FAT3: variants seen among roughly 807,000 people sequenced by gnomAD.
The protein encoded by FAT3 is FAT atypical cadherin 3.
A neutral mutation model predicts 310.2 loss-of-function variants in FAT3; 95 were observed. The ratio of observed to expected loss-of-function variants is 0.31; its 90% CI spans 0.26 to 0.36. The LOEUF is 0.36. Among genes scored for constraint, FAT3 ranks in the 10% least tolerant of loss-of-function variants. The pLI is 1.00. For missense variants in FAT3, 5,408 were observed against 5,715.6 expected (o/e 0.95, Z 1.74); for synonymous variants, 2,314 against 2,192.9 (o/e 1.06, Z -1.54).
At position 92,844,659 on chromosome 11, in the gene FAT3, C is replaced by T. The variant is rs753024741; in HGVS notation, c.11292C>T (p.Leu3764=). ...GCTTGTCACTCGATTCCCACGCGCT[C>T]ATGACCTACAGCACGGCTCGCATCA... ...EQGLSLDSHA[L]MTYSTARISF... is the part of the protein sequence containing the mutation. The change falls in exon 19 of 28, where the codon CTC becomes CTT. Residue 3764 remains leucine, a synonymous_variant. Transcript: ENST00000525166. 4 of 1,607,102 alleles carry T rather than the reference C, an allele frequency of 2.5e-6. No homozygotes were observed. The South Asian group carries it at 3.4e-5, about 13-fold the overall frequency.
intron 3 of FAT3, among the ~76,000 whole-genome samples, chr11:92,690,860 C>A (rs1294748238): frequency 6.6e-6 from 1 of 152,068 alleles, no homozygotes. Context: ...AAGTCAGAAT[C>A]TTATAGAAGA....
At chr11:92,678,956 C>T (rs1004307907) in intron 3 of FAT3, among the ~76,000 whole-genome samples, 2 of 152,148 alleles carry the variant, frequency 1.3e-5, no homozygotes, top group Admixed American at 6.6e-5. Context: ...CTAGCTTTCT[C>T]ATCACCCTTC....
intron 3 of FAT3, among the ~76,000 whole-genome samples, chr11:92,618,233 T>C (rs1940912266): frequency 6.6e-6 from 1 of 152,176 alleles, no homozygotes. Context: ...CTCAGACTGC[T>C]GTGCTAGCGG....
intron 3 of FAT3, among the ~76,000 whole-genome samples, chr11:92,616,705 G>A (rs1404871308): frequency 6.6e-6 from 1 of 152,070 alleles, no homozygotes; most frequent in African/African-American, 2.4e-5. Context: ...TTGTTTTTCT[G>A]TAAAGGATTT....
chr11:92,410,882 A>G (rs1950242533), intron 2 of FAT3, among the ~76,000 whole-genome samples: 1 of 151,884 alleles, frequency 6.6e-6, no homozygotes, highest in South Asian at 2.1e-4. Context: ...AGCTCTAATA[A>G]GGAAAAATAA....
chr11:92,815,317 G>A (rs1235809940), intron 13 of FAT3, among the ~76,000 whole-genome samples: 1 of 152,002 alleles, frequency 6.6e-6, no homozygotes, highest in Non-Finnish European at 1.5e-5. Flanking sequence ...GCTCACACCT[G>A]TAATCCCAGC....
At chr11:92,434,013 C>T (rs1441234391) in intron 2 of FAT3, among the ~76,000 whole-genome samples, 15 of 72,608 alleles carry the variant, frequency 2.1e-4, no homozygotes, top group Non-Finnish European at 3.8e-4. Context: ...GAGACTCAGT[C>T]TCAAAAAAAA....
intron 1 of FAT3, among the ~76,000 whole-genome samples, chr11:92,310,657 A>G (rs7937568): frequency 0.058 from 7,588 of 130,052 alleles, 608 homozygotes; most frequent in African/African-American, 0.23. Flanking sequence ...GTGTGTGTGT[A>G]TATATATATG....
chr11:92,323,780 C>G (rs1947690551), intron 1 of FAT3, among the ~76,000 whole-genome samples: 1 of 152,172 alleles, frequency 6.6e-6, no homozygotes, highest in Non-Finnish European at 1.5e-5. Context: ...CTTAAAGTCA[C>G]CAGCTGCATC....
At chr11:92,871,851 C>T (rs553795901) in intron 22 of FAT3, among the ~76,000 whole-genome samples, 3 of 152,222 alleles carry the variant, frequency 2.0e-5, no homozygotes, top group South Asian at 2.1e-4. Context: ...GAACCACTGA[C>T]ATTTGGGAAT....
chr11:92,838,445 C>T (rs1209035467), intron 17 of FAT3, among the ~76,000 whole-genome samples: 2 of 152,148 alleles, frequency 1.3e-5, no homozygotes, highest in Non-Finnish European at 2.9e-5. Flanking sequence ...GACTCTTCTT[C>T]CCATCTATTT....
At chr11:92,761,436 T>C (rs1946148809) in intron 4 of FAT3, among the ~76,000 whole-genome samples, 1 of 152,206 alleles carries the variant, frequency 6.6e-6, no homozygotes, top group South Asian at 2.1e-4. Context: ...ATTCAGACTA[T>C]AGCATGAAGA....
At position 92,247,418 on chromosome 11, in the gene FAT3, A is replaced by G. The variant is rs576102950; in HGVS notation, c.-18+22244A>G. 1.4e-4 allele frequency among the ~76,000 whole-genome samples: 22 copies of G among 151,806 alleles called. No individual in the cohort carries two copies. The South Asian group carries it at 3.7e-3, about 26-fold the overall frequency. On this transcript the variant is annotated intron_variant, in intron 1 of 27. Coordinates refer to ENST00000525166, the MANE Select transcript of FAT3 (RefSeq NM_001367949.2). ...CTTGGTGTGACATGCCTCTTCTGCA[A>G]CTGCTGAAGTAATTCACCGCACGTT...
At chr11:92,583,662 G>C (rs1252142347) in intron 3 of FAT3, among the ~76,000 whole-genome samples, 1 of 151,854 alleles carries the variant, frequency 6.6e-6, no homozygotes, top group Non-Finnish European at 1.5e-5. Flanking sequence ...TGCCTCTAAA[G>C]CTCCAAAAGG....
chr11:92,356,559 T>C (rs1948735627), intron 2 of FAT3, among the ~76,000 whole-genome samples: 1 of 152,210 alleles, frequency 6.6e-6, no homozygotes, highest in Admixed American at 6.5e-5. Context: ...AACTACCAAC[T>C]TCTTTCCATG....
At chr11:92,697,690 C>T (rs1164856418) in intron 4 of FAT3, among the ~76,000 whole-genome samples, 1 of 152,206 alleles carries the variant, frequency 6.6e-6, no homozygotes, top group Non-Finnish European at 1.5e-5. Context: ...GTATCACCGT[C>T]TCTGCCTTGA....
chr11:92,834,762 G>A (rs761126396), intron 14 of FAT3, 108 bp from the exon 15 acceptor site: 2 of 1,009,824 alleles, frequency 2.0e-6, no homozygotes, highest in Non-Finnish European at 1.4e-6. Context: ...ATTCCTGAAT[G>A]TTTAAATTCT....
intron 4 of FAT3, among the ~76,000 whole-genome samples, chr11:92,749,680 T>C (rs1056565733): frequency 1.3e-5 from 2 of 152,222 alleles, no homozygotes; most frequent in African/African-American, 4.8e-5. Flanking sequence ...TACATTTCTC[T>C]ACCTATGTGG....
intron 13 of FAT3, among the ~76,000 whole-genome samples, chr11:92,810,644 C>T (rs1202218833): frequency 6.6e-6 from 1 of 152,034 alleles, no homozygotes; most frequent in Non-Finnish European, 1.5e-5. Flanking sequence ...CATTGTTTGA[C>T]AGAGTGGGGG....
Sources: gnomAD v4.1 joint callset for allele counts (sites outside exome capture counted in the v4.1 genomes callset) on GRCh38, gnomAD v4.1.1 for gene constraint, MANE v1.5 for transcripts, NCBI Gene and HGNC (gene_info 2026-07-23, HGNC 2026-07-21) for gene names.